ITGA1: variants seen among roughly 807,000 people sequenced by gnomAD.
The protein encoded by ITGA1 is integrin subunit alpha 1, also known as integrin alpha-1.
Under a neutral mutation model 145.9 loss-of-function variants are expected in ITGA1, and 85 were observed. The ratio of observed to expected loss-of-function variants is 0.58; its 90% confidence interval spans 0.49 to 0.70. The LOEUF (loss-of-function observed/expected upper bound fraction) is 0.70. Ranked by LOEUF, ITGA1 falls within the 30% of genes least tolerant of loss-of-function variation. ITGA1 has a pLI of 0.00. For missense variants in ITGA1, 1,351 were observed against 1,418.7 expected, an observed-to-expected ratio of 0.95 and a Z score of 0.77; for synonymous variants, 520 against 495.3, an observed-to-expected ratio of 1.05 and a Z score of -0.66.
chr5:52,814,141 T>C (rs966895373), intron 1 of ITGA1, among the ~76,000 whole-genome samples: 9 of 152,130 alleles, frequency 5.9e-5, no homozygotes, highest in African/African-American at 2.2e-4. Flanking sequence ...AATGAGTTGT[T>C]TTTTGGTTTG....
chr5:52,922,732 C>G, intron 17 of ITGA1, 45 bp from the exon 18 acceptor site: 1 of 1,236,292 alleles, frequency 8.1e-7, no homozygotes, highest in Non-Finnish European at 1.2e-6. Flanking sequence ...TCAGAACACC[C>G]GGTAAATATG....
chr5:52,802,964 A>G (rs1421399986), intron 1 of ITGA1: 1 of 152,210 alleles, frequency 6.6e-6, no homozygotes, highest in Non-Finnish European at 1.5e-5. Flanking sequence ...GCACATTCCT[A>G]AAAGTTAAGG....
chr5:52,836,087 T>G (rs1009431096), intron 1 of ITGA1, among the ~76,000 whole-genome samples: 1 of 152,194 alleles, frequency 6.6e-6, no homozygotes, highest in African/African-American at 2.4e-5. Flanking sequence ...GCATCTTCCC[T>G]GAATGCTTAA....
intron 28 of ITGA1, among the ~76,000 whole-genome samples, chr5:52,950,931 A>G (rs1272778547): frequency 6.6e-6 from 1 of 152,208 alleles, no homozygotes; most frequent in South Asian, 2.1e-4. Context: ...TGGAACTTTT[A>G]TACTTGGCTC....
At chr5:52,915,969 A>G (rs1750640828) in intron 15 of ITGA1, among the ~76,000 whole-genome samples, 1 of 152,156 alleles carries the variant, frequency 6.6e-6, no homozygotes, top group South Asian at 2.1e-4. Flanking sequence ...CATTTACCTG[A>G]TACATAGAAA....
intron 1 of ITGA1, among the ~76,000 whole-genome samples, chr5:52,809,163 C>T (rs1748644670): frequency 6.6e-6 from 1 of 152,132 alleles, no homozygotes; most frequent in African/African-American, 2.4e-5. Flanking sequence ...CTTCTGAGAA[C>T]CATTTCATTT....
At chr5:52,920,250 T>TTG (rs1750711069) in intron 16 of ITGA1, 82 bp from the exon 17 acceptor site, 1 of 1,082,570 alleles carries the variant, frequency 9.2e-7, no homozygotes. Flanking sequence ...GATTTTTCTA[T>TTG]AATGCTAATT....
chr5:52,864,732 C>G, intron 3 of ITGA1, 31 bp from the exon 4 acceptor site: 4 of 1,357,768 alleles, frequency 2.9e-6, no homozygotes, highest in Non-Finnish European at 4.2e-6. Flanking sequence ...TGAAACTTTT[C>G]CTCCCTCATA....
At chr5:52,910,813 ATAGTGTATATG>A (rs1400987665) in intron 14 of ITGA1, among the ~76,000 whole-genome samples, 10 of 144,306 alleles carry the variant, frequency 6.9e-5, no homozygotes, top group African/African-American at 2.5e-4. Flanking sequence ...TATAGTATAT[ATAGTGTATATG>A]TAGTGTGCAT....
At position 52,910,195 on chromosome 5, in the gene ITGA1, A is replaced by C; in HGVS notation, c.1633A>C (p.Ile545Leu). 1 of 1,613,290 alleles carries C rather than the reference A, an allele frequency of 6.2e-7. No homozygotes were observed. ...RFEYQMSLEP[I>L]KQTCCSSRQH... ...TGAATATCAAATGAGCCTGGAACCTATTAAGCAGACGTGCTGTTCATCTCG... is the reference window on the plus strand; with the variant it reads ...TGAATATCAAATGAGCCTGGAACCTCTTAAGCAGACGTGCTGTTCATCTCG... The change falls in exon 14 of 29, where the codon ATT (isoleucine) becomes CTT (leucine). Residue 545 changes from isoleucine to leucine, a missense_variant. Transcript: ENST00000282588.
intron 1 of ITGA1, among the ~76,000 whole-genome samples, chr5:52,809,384 G>A (rs1307774017): frequency 6.6e-6 from 1 of 152,068 alleles, no homozygotes; most frequent in African/African-American, 2.4e-5. Context: ...TAGTGAGGAG[G>A]TATTCCCAGA....
intron 1 of ITGA1, chr5:52,800,273 CAAGTGCCCTTAG>C (rs1160223631): frequency 1.0e-6 from 1 of 986,902 alleles, no homozygotes; most frequent in Non-Finnish European, 1.5e-6. Context: ...TCCCGCCAGG[CAAGTGCCCTTAG>C]AAACCGGGCC....
chr5:52,813,106 T>C lies in ITGA1; in HGVS notation c.61+24692T>C, dbSNP rs113788466. Among the ~76,000 whole-genome samples, 1,522 of 152,236 alleles carry C rather than the reference T, an allele frequency of 1.0e-2. 15 individuals are homozygous for C. The highest frequency in any genetic ancestry group is 0.014 in the Non-Finnish European group (935 of 67,998). On this transcript the variant is annotated intron_variant, in intron 1 of 28. Coordinates refer to ENST00000282588, the MANE Select transcript of ITGA1 (RefSeq NM_181501.2). The stretch of plus-strand genomic sequence containing the variant: ...AGGAGTACAGAAGAGCACATTTCAA[T>C]TGTAATGTTCATGCCAGGAATAGTA...
chr5:52,897,605 G>A (rs375650154), intron 10 of ITGA1, 77 bp downstream of exon 10: 1 of 994,704 alleles, frequency 1.0e-6, no homozygotes, highest in Non-Finnish European at 1.6e-6. Flanking sequence ...CTAGCCATCA[G>A]TATGTAAGTG....
At chr5:52,949,283 C>T (rs1579737157) in intron 28 of ITGA1, among the ~76,000 whole-genome samples, 1 of 152,248 alleles carries the variant, frequency 6.6e-6, no homozygotes, top group South Asian at 2.1e-4. Context: ...CTTATGAGGT[C>T]GTATGAACCT....
intron 1 of ITGA1, among the ~76,000 whole-genome samples, chr5:52,789,452 C>CT (rs1267083381): frequency 3.3e-5 from 5 of 152,136 alleles, no homozygotes; most frequent in Non-Finnish European, 7.3e-5. Flanking sequence ...TTAGACCTGC[C>CT]TTAGATGGCC....
intron 23 of ITGA1, among the ~76,000 whole-genome samples, chr5:52,935,338 T>C (rs1474290434): frequency 1.2e-4 from 18 of 152,122 alleles, no homozygotes; most frequent in Admixed American, 1.2e-3. Context: ...CTTAACAATA[T>C]TATTTATAAT....
rs370408882 is a variant in ITGA1, at chr5:52,875,886, GT to G, written c.625-5977del. On this transcript the variant is annotated intron_variant, in intron 6 of 28. Coordinates refer to ENST00000282588, the MANE Select transcript of ITGA1 (RefSeq NM_181501.2). ...TTCAAGTCAAATATTAGGATTACTG[GT>G]TTTTTTTTTCCTTTTTCCTCTCAAT... 4.8e-3 allele frequency among the ~76,000 whole-genome samples: 714 copies of G among 148,882 alleles called. 3 individuals carry two copies. Among genetic ancestry groups the G allele is most frequent in the African/African-American group, 0.016 (669 of 40,646 alleles).
intron 1 of ITGA1, chr5:52,800,492 T>C: frequency 6.2e-7 from 1 of 1,614,060 alleles, no homozygotes; most frequent in Middle Eastern, 1.6e-4. Flanking sequence ...TACAACCTCG[T>C]GCAGGTGGGC....
Sources: gnomAD v4.1 joint callset for allele counts (sites outside exome capture counted in the v4.1 genomes callset) on GRCh38, gnomAD v4.1.1 for gene constraint, MANE v1.5 for transcripts, NCBI Gene and HGNC (gene_info 2026-07-23, HGNC 2026-07-21) for gene names.